FRMD7: variants seen among roughly 807,000 people sequenced by gnomAD.
FRMD7 encodes the protein FERM domain containing 7.
FRMD7 carries 14 observed loss-of-function variants against 44.1 expected under a neutral mutation model. The observed-to-expected ratio is 0.32, with a 90% CI of 0.21 to 0.50. The LOEUF is 0.50. Among genes scored for constraint, FRMD7 ranks in the 20% least tolerant of loss-of-function variants. The pLI is 0.99. For missense variants in FRMD7, 501 were observed against 522.3 expected, an observed-to-expected ratio of 0.96 and a Z score of 0.40; for synonymous variants, 212 against 187.4, an observed-to-expected ratio of 1.13 and a Z score of -1.07.
intron 1 of FRMD7, among the ~76,000 whole-genome samples, chrX:132,123,259 T>C (rs1156312673): frequency 9.0e-6 from 1 of 111,699 alleles, no homozygotes; most frequent in Non-Finnish European, 1.9e-5. Flanking sequence ...CCACAGCTTG[T>C]CAGTGGCAGA....
At chrX:132,079,436 C>G (rs982739232) in intron 11 of FRMD7, among the ~76,000 whole-genome samples, 2 of 111,805 alleles carry the variant, frequency 1.8e-5, no homozygotes, top group Non-Finnish European at 3.8e-5. Context: ...CATTATGCCT[C>G]TGATGCCTTT....
At chrX:132,088,576 A>G (rs1928071583) in intron 5 of FRMD7, among the ~76,000 whole-genome samples, 1 of 110,818 alleles carries the variant, frequency 9.0e-6, no homozygotes, top group South Asian at 3.8e-4. Flanking sequence ...AAAAAGGAAA[A>G]AAAGGAAAGA....
chrX:132,099,560 C>CT (rs751219304), intron 2 of FRMD7, 50 bp from the exon 3 acceptor site: 11,875 of 715,420 alleles, frequency 0.017, no homozygotes, highest in East Asian at 0.021. Flanking sequence ...TTGAGCAGAG[C>CT]TTTTTTTTTT....
At chrX:132,116,547 C>T (rs1341692255) in intron 1 of FRMD7, among the ~76,000 whole-genome samples, 2 of 112,060 alleles carry the variant, frequency 1.8e-5, no homozygotes, top group Non-Finnish European at 3.8e-5. Flanking sequence ...TGCTGAGATA[C>T]AGCAAACTAA....
chrX:132,118,993 T>G (rs758777488), intron 1 of FRMD7, among the ~76,000 whole-genome samples: 1 of 111,851 alleles, frequency 8.9e-6, no homozygotes, highest in East Asian at 2.8e-4. Flanking sequence ...CTAGGTTAGA[T>G]GCCCCTCTTT....
Position 132,078,743 on chromosome X carries a change from G to A in FRMD7, c.1274C>T (p.Thr425Ile). The change falls in exon 12 of 12, where the codon ACT becomes ATT. Residue 425 changes from threonine (T) to isoleucine (I), a missense_variant. Physicochemically the swap from Thr to Ile is moderately conservative, Grantham distance 89. Transcript: ENST00000298542. ...PFIYMDPVFN[T>I]EPNPNPDPRD... Reference sequence around the variant, plus strand: ...GGGATCAGGGTTAGGATTGGGCTCAGTGTTAAAGACAGGGTCCATATAAAT... The same window carrying A: ...GGGATCAGGGTTAGGATTGGGCTCAATGTTAAAGACAGGGTCCATATAAAT... The A allele has an allele frequency of 8.3e-7, 1 of 1,210,433 alleles. No homozygotes were observed. The highest frequency in any genetic ancestry group is 1.1e-6 in the Non-Finnish European group (1 of 894,234).
chrX:132,123,699 T>C (rs916412552), intron 1 of FRMD7, among the ~76,000 whole-genome samples: 3 of 112,516 alleles, frequency 2.7e-5, no homozygotes, highest in Admixed American at 9.4e-5. Flanking sequence ...AAATGAGGCC[T>C]AGTGGCCTTT....
chrX:132,127,666 A>C (rs1393364662), intron 1 of FRMD7, 122 bp downstream of exon 1: 12 of 591,723 alleles, frequency 2.0e-5, no homozygotes, highest in Non-Finnish European at 3.3e-5. Flanking sequence ...CAAAGCTAAA[A>C]ATCACAGTCC....
chrX:132,122,572 C>A (rs1929061825), intron 1 of FRMD7, among the ~76,000 whole-genome samples: 1 of 111,955 alleles, frequency 8.9e-6, no homozygotes, highest in African/African-American at 3.2e-5. Context: ...TCAAATGGTT[C>A]TAGAAATTCT....
Position 132,077,926 on chromosome X carries a change from T to G in FRMD7, c.2091A>C (p.Thr697=). 9 of 1,210,816 alleles carry G rather than the reference T, an allele frequency of 7.4e-6. No homozygotes were observed. Among genetic ancestry groups the G allele is most frequent in the Non-Finnish European group, 1.0e-5 (9 of 894,612 alleles). ...DEEDEDAYFN[T]PTAEDRTSLK... Reference sequence around the variant, plus strand: ...GTGAAGTCCTGTCTTCAGCAGTTGGTGTGTTGAAATAAGCATCTTCATCTT... The same window carrying G: ...GTGAAGTCCTGTCTTCAGCAGTTGGGGTGTTGAAATAAGCATCTTCATCTT... Residue 697 remains threonine, a synonymous_variant, in exon 12 of 12, where the codon ACA becomes ACC. Coordinates refer to ENST00000298542, the MANE Select transcript of FRMD7 (RefSeq NM_194277.3).
At chrX:132,092,653 TA>T (rs1928213141) in intron 5 of FRMD7, among the ~76,000 whole-genome samples, 1 of 111,831 alleles carries the variant, frequency 8.9e-6, no homozygotes, top group Non-Finnish European at 1.9e-5. Context: ...CTCAAATCCA[TA>T]AGGCAGAACT....
At chrX:132,098,847 G>A (rs1268297773) in intron 3 of FRMD7, among the ~76,000 whole-genome samples, 1 of 109,980 alleles carries the variant, frequency 9.1e-6, no homozygotes, top group Non-Finnish European at 1.9e-5. Flanking sequence ...AGAGGAACCA[G>A]TAAAAGAGAC....
intron 9 of FRMD7, among the ~76,000 whole-genome samples, chrX:132,080,671 G>A (rs188678573): frequency 1.8e-5 from 2 of 110,420 alleles, no homozygotes; most frequent in East Asian, 5.7e-4. Context: ...AAAATTACCC[G>A]GCCATGGTAG....
chrX:132,103,201 A>T (rs989162041), intron 1 of FRMD7, among the ~76,000 whole-genome samples: 7 of 111,320 alleles, frequency 6.3e-5, no homozygotes, highest in African/African-American at 2.3e-4. Context: ...GCAGCCTTTA[A>T]TTTTTTCTAC....
At position 132,097,622 on chromosome X, in the gene FRMD7, C is replaced by T. The variant is rs1928381129; in HGVS notation, c.206-278G>A. On this transcript the variant is annotated intron_variant, in intron 3 of 11. Coordinates refer to ENST00000298542, the MANE Select transcript of FRMD7 (RefSeq NM_194277.3). ...CGAGTTTATTTGTATAAATGTGCCC[C>T]TTTGAGGCCTACTGTGTCCTCTCCT... Among the ~76,000 whole-genome samples the T allele has an allele frequency of 2.7e-5, 3 of 111,435 alleles. No homozygotes were observed. The South Asian group carries it at 1.1e-3, about 42-fold the overall frequency.
At chrX:132,103,726 A>G (rs1029933535) in intron 1 of FRMD7, among the ~76,000 whole-genome samples, 5 of 112,311 alleles carry the variant, frequency 4.5e-5, no homozygotes, top group Non-Finnish European at 9.4e-5. Context: ...CCAATTTGTT[A>G]AAATAAATCG....
At chrX:132,085,788 G>A in intron 6 of FRMD7, 60 bp from the exon 7 acceptor site, 17 of 1,122,856 alleles carry the variant, frequency 1.5e-5, no homozygotes, top group Non-Finnish European at 2.1e-5. Flanking sequence ...TTTCCACCCT[G>A]AGAGCTCCAT....
intron 2 of FRMD7, among the ~76,000 whole-genome samples, chrX:132,100,294 G>A (rs1429395045): frequency 9.0e-6 from 1 of 111,362 alleles, no homozygotes; most frequent in Non-Finnish European, 1.9e-5. Flanking sequence ...ACCACACCCA[G>A]CTAATTTTTG....
intron 8 of FRMD7, 35 bp downstream of exon 8, chrX:132,084,455 C>G: frequency 2.2e-6 from 2 of 893,741 alleles, no homozygotes; most frequent in Non-Finnish European, 3.3e-6. Flanking sequence ...TCCCAGTGAA[C>G]AGAAAGTAAA....
Sources: gnomAD v4.1 joint callset for allele counts (sites outside exome capture counted in the v4.1 genomes callset) on GRCh38, gnomAD v4.1.1 for gene constraint, MANE v1.5 for transcripts, NCBI Gene and HGNC (gene_info 2026-07-23, HGNC 2026-07-21) for gene names.